The following CDKN2A variants were observed in gnomAD, a reference collection of about 807,000 sequenced individuals.
CDKN2A encodes cyclin-dependent kinase inhibitor 2A.
CDKN2A carries 3 observed loss-of-function variants against 11.1 expected under a neutral mutation model. The ratio of observed to expected loss-of-function variants is 0.27; its 90% CI spans 0.12 to 0.70. CDKN2A has a LOEUF of 0.70. Ranked by LOEUF, CDKN2A falls within the 30% of genes least tolerant of loss-of-function variation. The probability of loss-of-function intolerance (pLI) is 0.77; values close to 1 mark genes in which losing one functional copy is unlikely to be tolerated. For synonymous variants in CDKN2A, 122 were observed against 108.1 expected (o/e 1.13, Z -0.80); for missense variants, 265 against 233.6 (o/e 1.13, Z -0.88).
intron 2 of CDKN2A, chr9:21,969,797 G>A (rs1819610767): frequency 7.6e-6 from 3 of 396,806 alleles, no homozygotes; most frequent in Non-Finnish European, 1.3e-5. Flanking sequence ...GCTGTAACTG[G>A]AGGGAATTGG....
In CDKN2A at chr9:21,988,626, G is replaced by T. The variant is rs1418150488; in HGVS notation, c.-4+5256C>A. Among the ~76,000 whole-genome samples, 1 of 152,040 alleles carries T rather than the reference G, an allele frequency of 6.6e-6. No homozygotes were observed. The highest frequency in any genetic ancestry group is 1.5e-5 in the Non-Finnish European group (1 of 68,010). On this transcript the variant is annotated intron_variant, in intron 2 of 3. Coordinates refer to the CDKN2A transcript ENST00000494262. This position sits in a 1 kb window ranked among gnomAD's most constrained non-coding sequence, Gnocchi z 4.1. Reference sequence around the variant, plus strand: ...TGGAGGAGAAAGGGAATGAGCGAGGGCTGAAATACTACCTACTGTGGGTAC... The same window carrying T: ...TGGAGGAGAAAGGGAATGAGCGAGGTCTGAAATACTACCTACTGTGGGTAC...
chr9:21,972,998 G>C (rs1406653362), intron 1 of CDKN2A, among the ~76,000 whole-genome samples: 5 of 152,154 alleles, frequency 3.3e-5, no homozygotes, highest in African/African-American at 1.2e-4. Context: ...TCCTGAGAAA[G>C]TGAAACTGAC....
At chr9:21,971,413 G>C in intron 1 of CDKN2A, 1 of 1,436,340 alleles carries the variant, frequency 7.0e-7, no homozygotes, top group Non-Finnish European at 9.1e-7. Flanking sequence ...TATATCCTCC[G>C]AACTTCTGCG....
chr9:21,977,096 T>C (rs1247317271), upstream of CDKN2A, among the ~76,000 whole-genome samples: 2 of 152,228 alleles, frequency 1.3e-5, no homozygotes, highest in African/African-American at 4.8e-5. Flanking sequence ...GTTTTTAAAA[T>C]GAAGCCAATG....
Position 21,974,134 on chromosome 9 carries a change from C to T in CDKN2A, c.150+544G>A, listed in dbSNP as rs1023588010. ...CGAACTCCCGACCTCAGGTGATTCC[C>T]CCCGCCTTGATCTCCCAAAGTGAAG... is the stretch of plus-strand genomic sequence containing the variant. On this transcript the variant is annotated intron_variant, in intron 1 of 2. Transcript: ENST00000304494. This position sits in a 1 kb window ranked among gnomAD's most constrained non-coding sequence, Gnocchi z 5.2. 2.0e-5 allele frequency among the ~76,000 whole-genome samples: 3 copies of T among 152,182 alleles called. No homozygotes were observed. Among genetic ancestry groups the T allele is most frequent in the African/African-American group, 7.2e-5 (3 of 41,426 alleles).
At position 21,981,596 on chromosome 9, in the gene CDKN2A, G is replaced by C. The variant is rs146813698; in HGVS notation, c.-3-10388C>G. On this transcript the variant is annotated intron_variant, in intron 2 of 3. Transcript: ENST00000494262. The stretch of plus-strand genomic sequence containing the variant: ...TAAGGAAATTAGAGTCCCTGTCCTA[G>C]TTCTACCACCTACTTTGTTACCCTG... Among the ~76,000 whole-genome samples, 547 of 150,564 alleles carry C rather than the reference G, an allele frequency of 3.6e-3. 1 individual carries two copies. The highest frequency in any genetic ancestry group is 0.013 in the African/African-American group (530 of 40,950).
In CDKN2A at chr9:21,994,330, A is replaced by T; in HGVS notation, c.-175-277T>A. ...GAGGGTCACCAAGAACCTGCGCACC[A>T]TGTTCTCGCCGCCTCCAGGGCCGAG... On this transcript the variant is annotated intron_variant, in intron 1 of 3. Coordinates refer to the CDKN2A transcript ENST00000494262. 1 of 1,606,228 alleles carries T rather than the reference A, an allele frequency of 6.2e-7. No individual in the cohort carries two copies. Among genetic ancestry groups the T allele is most frequent in the Non-Finnish European group, 8.5e-7 (1 of 1,177,836 alleles).
At chr9:21,984,476 C>A (rs1175644822) in intron 2 of CDKN2A, among the ~76,000 whole-genome samples, 1 of 151,972 alleles carries the variant, frequency 6.6e-6, no homozygotes, top group Non-Finnish European at 1.5e-5. Context: ...CTTTTCCTAA[C>A]CTCCCTCTTT....
At position 21,991,886 on chromosome 9, in the gene CDKN2A, AC is replaced by A; in HGVS notation, c.-4+1995del. On this transcript the variant is annotated intron_variant, in intron 2 of 3. Coordinates refer to the CDKN2A transcript ENST00000494262. The surrounding 1 kb of genome is among the most constrained non-coding windows in gnomAD (Gnocchi z 5.2). ...GGTTTATACTAACTGCACAGTGCTT[AC>A]CTTGAGAGGACTCTGTGCTATTAAA... 1 of 985,326 alleles carries A rather than the reference AC, an allele frequency of 1.0e-6. No homozygotes were observed. Among genetic ancestry groups the A allele is most frequent in the African/African-American group, 1.7e-5 (1 of 57,356 alleles). 61.0% of individuals were successfully genotyped at this position (985,326 alleles called of 1,614,324 possible). A position where few individuals can be genotyped will look rare whatever the true frequency, so the allele number is the denominator to read the frequency against.
rs1481511871 is a variant in CDKN2A at position 21,968,683 on chromosome 9, G to A, written c.458-441C>T. The A allele has an allele frequency of 6.5e-7, 1 of 1,536,012 alleles. No individual in the cohort carries two copies. Among genetic ancestry groups the A allele is most frequent in the Non-Finnish European group, 8.7e-7 (1 of 1,146,816 alleles). On this transcript the variant is annotated intron_variant, in intron 2 of 2. Transcript: ENST00000304494. This position sits in a 1 kb window ranked among gnomAD's most constrained non-coding sequence, Gnocchi z 4.7. The stretch of plus-strand genomic sequence containing the variant: ...AGCCAGCTTGCGATAACCAAAGGGC[G>A]CCTCAGGCTCTGGCGCTCCTCGGCG...
At chr9:21,994,458 C>G in intron 1 of CDKN2A, 2 of 1,541,878 alleles carry the variant, frequency 1.3e-6, no homozygotes, top group Non-Finnish European at 1.7e-6. Context: ...TGCCCATCTC[C>G]GCCCCGCAGG....
upstream of CDKN2A, chr9:21,974,983 G>A: frequency 7.2e-7 from 1 of 1,395,032 alleles, no homozygotes; most frequent in Non-Finnish European, 9.2e-7. The surrounding 1 kb of genome is among the most constrained non-coding windows in gnomAD (Gnocchi z 5.2). Context: ...AAATCCTCTG[G>A]AGGGACCGCG....
upstream of CDKN2A, among the ~76,000 whole-genome samples, chr9:21,979,580 T>G (rs1435854657): frequency 1.3e-5 from 2 of 152,066 alleles, no homozygotes; most frequent in Non-Finnish European, 2.9e-5. Flanking sequence ...ATACATAGAT[T>G]TGGGAGGGAG....
chr9:21,991,130 C>G lies in CDKN2A; in HGVS notation c.-4+2752G>C, dbSNP rs1055282004. On this transcript the variant is annotated intron_variant, in intron 2 of 3. Transcript: ENST00000494262. The surrounding 1 kb of genome is among the most constrained non-coding windows in gnomAD (Gnocchi z 5.2). ...CTTAAACTGCCAAAATAAAGCACCA[C>G]AAAAACTTTTTATCACGTTGGTTTT... Among the ~76,000 whole-genome samples, 1 of 152,152 alleles carries G rather than the reference C, an allele frequency of 6.6e-6. No homozygotes were observed. The highest frequency in any genetic ancestry group is 1.9e-4 in the East Asian group (1 of 5,202).
chr9:21,982,486 T>C (rs1029806004), intron 2 of CDKN2A, among the ~76,000 whole-genome samples: 4 of 152,116 alleles, frequency 2.6e-5, no homozygotes, highest in African/African-American at 7.2e-5. Flanking sequence ...TAAATTTTTT[T>C]TATGTTGATA....
At chr9:21,990,226 G>A (rs921168279) in intron 2 of CDKN2A, among the ~76,000 whole-genome samples, 2 of 152,132 alleles carry the variant, frequency 1.3e-5, no homozygotes, top group African/African-American at 4.8e-5. Context: ...GGCCTAACAC[G>A]AGGCACCTTG....
rs1455288636 is a variant in CDKN2A, at chr9:21,994,054, C to A, written c.-175-1G>T. The A allele has an allele frequency of 6.9e-7, 1 of 1,452,700 alleles. No homozygotes were observed. Among genetic ancestry groups the A allele is most frequent in the African/African-American group, 1.4e-5 (1 of 71,984 alleles). The allele number at this position is 1,452,700 out of a possible 1,614,324, so 90.0% of individuals were successfully genotyped here. A position where few individuals can be genotyped will look rare whatever the true frequency, so the allele number is the denominator to read the frequency against. ...TATCTCCTCCTCCTCCTAGCCTGGG[C>A]TAGAGACGAATTATCTGTTTACGAA... On this transcript the variant is annotated splice_acceptor_variant, in intron 1 of 3. Coordinates refer to the CDKN2A transcript ENST00000494262. LOFTEE classifies it low-confidence loss of function (5UTR_SPLICE).
chr9:21,971,643 A>C (rs1226260337), intron 1 of CDKN2A, among the ~76,000 whole-genome samples: 1 of 144,398 alleles, frequency 6.9e-6, no homozygotes, highest in Non-Finnish European at 1.5e-5. Flanking sequence ...TAAAAAGAGA[A>C]AACTTGTTTG....
In CDKN2A at chr9:21,971,109, C is replaced by A. The variant is rs11552822; in HGVS notation, c.250G>T (p.Asp84Tyr). ...TCCAGGAAGCCCTCCCGGGCAGCGT[C>A]GTGCACGGGTCGGGTGAGAGTGGCG... Reference protein sequence around the residue: ...DPATLTRPVHDAAREGFLDTL... With the variant: ...DPATLTRPVHYAAREGFLDTL... Residue 84 changes from aspartate to tyrosine, a missense_variant, in exon 2 of 3, where the codon GAC (aspartate) becomes TAC (tyrosine). Coordinates refer to ENST00000304494, the MANE Select transcript of CDKN2A (RefSeq NM_000077.5). The A allele has an allele frequency of 6.2e-7, 1 of 1,604,480 alleles. No homozygotes were observed. The highest frequency in any genetic ancestry group is 1.7e-5 in the Admixed American group (1 of 59,974).
Sources: gnomAD v4.1 joint callset for allele counts (sites outside exome capture counted in the v4.1 genomes callset) on GRCh38, gnomAD v4.1.1 for gene constraint, Gnocchi (gnomAD v3.1) non-coding constraint, MANE v1.5 for transcripts, NCBI Gene and HGNC (gene_info 2026-07-23, HGNC 2026-07-21) for gene names.